Variants in RIIAD1 observed in about 807,000 individuals in gnomAD.
RIIAD1 encodes RIIa domain-containing protein 1.
Under a neutral mutation model 13.3 loss-of-function variants are expected in RIIAD1, and 15 were observed. That is an observed-to-expected ratio of 1.13 (90% CI 0.76 to 1.74). The LOEUF (loss-of-function observed/expected upper bound fraction) is 1.74. Ranked by LOEUF, RIIAD1 falls within the 40% of genes most tolerant of loss-of-function variation. The pLI, the probability that RIIAD1 is intolerant of heterozygous loss-of-function variation, is 0.00. For missense variants in RIIAD1, 121 were observed against 112.2 expected, an observed-to-expected ratio of 1.08 and a Z score of -0.35; for synonymous variants, 50 against 43.3, an observed-to-expected ratio of 1.16 and a Z score of -0.61.
chr1:151,715,817 T>C (rs1343787425), intron 4 of RIIAD1: 1 of 1,595,562 alleles, frequency 6.3e-7, no homozygotes, highest in African/African-American at 1.3e-5. Flanking sequence ...CAGCCTGGCT[T>C]AACTTCCCCC....
upstream of RIIAD1, among the ~76,000 whole-genome samples, chr1:151,717,106 G>A (rs1673543036): frequency 6.6e-6 from 1 of 152,132 alleles, no homozygotes; most frequent in Non-Finnish European, 1.5e-5. Flanking sequence ...GGCTGGAGCT[G>A]TCCCCGGTGC....
Position 151,727,572 on chromosome 1 carries a change from C to T in RIIAD1, c.162-3C>T. On this transcript the variant is annotated splice_polypyrimidine_tract_variant and splice_region_variant and intron_variant, in intron 2 of 4. Coordinates refer to ENST00000479191, the MANE Select transcript of RIIAD1 (RefSeq NM_001144956.3). ...TCCCATCCTATCCCTTAATGTTTTC[C>T]AGAGAAATATTTTTGAAAAGACCAG... 3 of 1,546,332 alleles carry T rather than the reference C, an allele frequency of 1.9e-6. No individual in the cohort carries two copies. The highest frequency in any genetic ancestry group is 1.2e-5 in the South Asian group (1 of 83,960).
chr1:151,728,447 A>C lies in RIIAD1; in HGVS notation c.209-319A>C, dbSNP rs2101517891. 5 of 347,720 alleles carry C rather than the reference A, an allele frequency of 1.4e-5. No homozygotes were observed. The South Asian group carries it at 2.2e-4, about 15-fold the overall frequency. The allele number at this position is 347,720 out of a possible 1,614,324, so 21.5% of individuals were successfully genotyped here. On this transcript the variant is annotated intron_variant, in intron 3 of 4. Transcript: ENST00000479191. ...CTCTGATGGCTCTCTGTGCGTCAGC[A>C]GGCGGAGGAGCAAACGGTGCGACTC...
intron 2 of RIIAD1, among the ~76,000 whole-genome samples, chr1:151,723,421 C>A (rs909860469): frequency 1.3e-5 from 2 of 151,548 alleles, no homozygotes; most frequent in Admixed American, 1.3e-4. Context: ...GTTGGCCAGG[C>A]AGATGCGTTG....
chr1:151,727,741 T>C, intron 3 of RIIAD1, 120 bp downstream of exon 3: 1 of 694,386 alleles, frequency 1.4e-6, no homozygotes, highest in Non-Finnish European at 2.5e-6. Context: ...CTTCACCTGA[T>C]GTCCCCAAAG....
intron 4 of RIIAD1, chr1:151,714,724 A>G: frequency 7.7e-7 from 1 of 1,295,638 alleles, no homozygotes; most frequent in South Asian, 1.3e-5. Flanking sequence ...TGAGTCCTCC[A>G]TCTCCCCTCT....
chr1:151,714,705 G>A (rs774125669), intron 4 of RIIAD1: 87 of 1,480,540 alleles, frequency 5.9e-5, no homozygotes, highest in Non-Finnish European at 7.5e-5. Flanking sequence ...AGAGAAACAC[G>A]GCGGGGGGTG....
intron 2 of RIIAD1, among the ~76,000 whole-genome samples, chr1:151,727,251 C>T (rs373730432): frequency 1.9e-4 from 29 of 152,248 alleles, no homozygotes; most frequent in East Asian, 1.7e-3. Flanking sequence ...CAGAGCAAGA[C>T]GCTGTCTCAA....
intron 4 of RIIAD1, chr1:151,715,813 G>C: frequency 1.3e-6 from 2 of 1,595,004 alleles, no homozygotes; most frequent in Non-Finnish European, 1.7e-6. Flanking sequence ...CCTCCAGCCT[G>C]GCTTAACTTC....
At chr1:151,722,259 T>A (rs1296293753) in intron 2 of RIIAD1, 97 bp downstream of exon 2, 3 of 752,338 alleles carry the variant, frequency 4.0e-6, no homozygotes, top group Non-Finnish European at 6.9e-6. Context: ...CTTAAAAATA[T>A]GTCTATTCAT....
chr1:151,716,352 G>A (rs1308154), intron 4 of RIIAD1: 21,636 of 310,510 alleles, frequency 0.07, 2,017 homozygotes, highest in East Asian at 0.33. Flanking sequence ...GGTAGCCGGG[G>A]GTGCTAGGGC....
upstream of RIIAD1, among the ~76,000 whole-genome samples, chr1:151,717,610 C>T (rs1285848823): frequency 2.0e-5 from 3 of 152,158 alleles, no homozygotes; most frequent in Non-Finnish European, 4.4e-5. Context: ...GTAGCAGGAG[C>T]TTAACAAACA....
chr1:151,722,046 T>C (rs1166551099), intron 1 of RIIAD1, 40 bp from the exon 2 acceptor site: 1 of 1,401,274 alleles, frequency 7.1e-7, no homozygotes, highest in Admixed American at 2.0e-5. Context: ...ACCCTGAATC[T>C]GTCTCCTAAT....
At position 151,722,139 on chromosome 1, in the gene RIIAD1, G is replaced by A. The variant is rs1257248711; in HGVS notation, c.138G>A (p.Glu46=). The change falls in exon 2 of 5, where the codon GAG becomes GAA. Residue 46 remains glutamate, a synonymous_variant. Coordinates refer to ENST00000479191, the MANE Select transcript of RIIAD1 (RefSeq NM_001144956.3). The part of the protein sequence containing the change: ...EKYLRTHKEV[E]WLISGFFREI... ...ACCTAAGGACCCACAAAGAAGTAGA[G>A]TGGCTCATAAGTGGTTTCTTCAGGT... The A allele has an allele frequency of 1.3e-6, 2 of 1,551,236 alleles. No homozygotes were observed. Among genetic ancestry groups the A allele is most frequent in the East Asian group, 2.4e-5 (1 of 40,918 alleles).
chr1:151,724,254 T>C (rs1011235094), intron 2 of RIIAD1, among the ~76,000 whole-genome samples: 7 of 152,220 alleles, frequency 4.6e-5, no homozygotes, highest in Non-Finnish European at 1.0e-4. Flanking sequence ...CCACCAGGTT[T>C]TTCTTTTTGC....
At chr1:151,719,459 G>A (rs1673696268), upstream of RIIAD1, 1 of 594,878 alleles carries the variant, frequency 1.7e-6, no homozygotes, top group Non-Finnish European at 3.0e-6. Flanking sequence ...GGAGAGCTCT[G>A]ATCCTGGCTT....
At chr1:151,727,964 G>A (rs1302075632) in intron 3 of RIIAD1, among the ~76,000 whole-genome samples, 2 of 152,172 alleles carry the variant, frequency 1.3e-5, no homozygotes, top group East Asian at 3.9e-4. Context: ...TAGAACTACT[G>A]ATGCTCAGTC....
chr1:151,714,677 C>G, intron 4 of RIIAD1: 2 of 1,556,410 alleles, frequency 1.3e-6, no homozygotes, highest in Non-Finnish European at 1.7e-6. Context: ...AAGGCACATC[C>G]TGAGGAGGGG....
At chr1:151,715,521 C>T (rs1006009343) in intron 4 of RIIAD1, 8 of 882,534 alleles carry the variant, frequency 9.1e-6, no homozygotes, top group African/African-American at 1.7e-5. Context: ...TTGCTGCACA[C>T]GCACACACAC....
Sources: gnomAD v4.1 joint callset for allele counts (sites outside exome capture counted in the v4.1 genomes callset) on GRCh38, gnomAD v4.1.1 for gene constraint, MANE v1.5 for transcripts, NCBI Gene and HGNC (gene_info 2026-07-23, HGNC 2026-07-21) for gene names.